NCOA7: variants seen among roughly 807,000 people sequenced by gnomAD.
NCOA7 encodes 140 kDa estrogen receptor-associated protein.
A neutral mutation model predicts 104.3 loss-of-function variants in NCOA7; 45 were observed. The observed-to-expected ratio is 0.43, with a 90% CI of 0.34 to 0.55. NCOA7 has a LOEUF of 0.55. Ranked by LOEUF, NCOA7 falls within the 20% of genes least tolerant of loss-of-function variation. The probability of loss-of-function intolerance (pLI) is 0.02; values close to 1 mark genes in which losing one functional copy is unlikely to be tolerated. For synonymous variants in NCOA7, 398 were observed against 402.3 expected, an observed-to-expected ratio of 0.99 and a Z score of 0.13; for missense variants, 1,041 against 1,119.7, an observed-to-expected ratio of 0.93 and a Z score of 1.00.
At chr6:125,784,917 T>G (rs1774387413) in intron 1 of NCOA7, among the ~76,000 whole-genome samples, 1 of 152,148 alleles carries the variant, frequency 6.6e-6, no homozygotes. Flanking sequence ...GAGTAGCTTA[T>G]GGGAGCCTCA....
chr6:125,784,106 G>A (rs1774353146), intron 1 of NCOA7, among the ~76,000 whole-genome samples: 1 of 152,174 alleles, frequency 6.6e-6, no homozygotes, highest in Admixed American at 6.5e-5. Flanking sequence ...GAAAATGTTA[G>A]AAGAAAAATC....
intron 2 of NCOA7, among the ~76,000 whole-genome samples, chr6:125,839,086 AT>A (rs1779883091): frequency 6.6e-6 from 1 of 152,060 alleles, no homozygotes; most frequent in Non-Finnish European, 1.5e-5. Flanking sequence ...TGCATGATTG[AT>A]TAAATCATTA....
intron 10 of NCOA7, among the ~76,000 whole-genome samples, chr6:125,912,868 G>A (rs1231502542): frequency 6.6e-6 from 1 of 152,084 alleles, no homozygotes; most frequent in Non-Finnish European, 1.5e-5. Flanking sequence ...AATATAAGAA[G>A]TGAATAAAGT....
At chr6:125,821,847 C>T (rs1013614562) in intron 2 of NCOA7, among the ~76,000 whole-genome samples, 5 of 151,840 alleles carry the variant, frequency 3.3e-5, no homozygotes, top group Non-Finnish European at 5.9e-5. Flanking sequence ...TAATTCTGTA[C>T]AAAAAGCCTT....
chr6:125,832,243 C>T (rs1160702556), intron 2 of NCOA7, among the ~76,000 whole-genome samples: 1 of 152,192 alleles, frequency 6.6e-6, no homozygotes, highest in African/African-American at 2.4e-5. Flanking sequence ...CCATGACAGT[C>T]AATCTCTTGA....
chr6:125,797,241 G>A (rs1294989540), intron 1 of NCOA7, among the ~76,000 whole-genome samples: 1 of 152,168 alleles, frequency 6.6e-6, no homozygotes, highest in African/African-American at 2.4e-5. Flanking sequence ...CATTTGGAGA[G>A]AGTGGTCCAA....
intron 10 of NCOA7, 64 bp downstream of exon 10, chr6:125,890,874 T>G: frequency 2.9e-6 from 4 of 1,367,846 alleles, no homozygotes; most frequent in Non-Finnish European, 3.9e-6. Context: ...TTTGATATTC[T>G]TTATCTTAAA....
At chr6:125,828,300 A>AGCT (rs1243899192) in intron 2 of NCOA7, among the ~76,000 whole-genome samples, 3 of 152,264 alleles carry the variant, frequency 2.0e-5, no homozygotes, top group African/African-American at 7.2e-5. Flanking sequence ...GTTTGCAAGT[A>AGCT]GCTGAGAGGT....
At chr6:125,904,860 C>T (rs1332338306) in intron 10 of NCOA7, among the ~76,000 whole-genome samples, 2 of 152,132 alleles carry the variant, frequency 1.3e-5, no homozygotes, top group African/African-American at 4.8e-5. Context: ...CTCGATTTTG[C>T]CTGTCTGCTG....
At chr6:125,928,448 T>C (rs193092337) in intron 15 of NCOA7, among the ~76,000 whole-genome samples, 188 bp from the exon 16 acceptor site, 16 of 152,286 alleles carry the variant, frequency 1.1e-4, no homozygotes, top group African/African-American at 3.4e-4. Flanking sequence ...AATGAGAGAC[T>C]GTTACCACTT....
chr6:125,879,089 A>G (rs1220639081), intron 5 of NCOA7, among the ~76,000 whole-genome samples: 1 of 152,204 alleles, frequency 6.6e-6, no homozygotes, highest in Non-Finnish European at 1.5e-5. Context: ...AACATCATCC[A>G]TCCATTACTC....
At chr6:125,815,452 T>G (rs748726451) in intron 2 of NCOA7, 48 bp downstream of exon 2, 28 of 1,482,674 alleles carry the variant, frequency 1.9e-5, no homozygotes, top group Non-Finnish European at 2.8e-6. Flanking sequence ...AAAGAAATAT[T>G]TGAGGGGACT....
At chr6:125,837,902 T>C (rs879873582) in intron 2 of NCOA7, among the ~76,000 whole-genome samples, 1 of 152,200 alleles carries the variant, frequency 6.6e-6, no homozygotes, top group Admixed American at 6.5e-5. Context: ...CTGCTCTTAG[T>C]TGTATGACTG....
At chr6:125,854,794 A>C (rs1781411236) in intron 2 of NCOA7, among the ~76,000 whole-genome samples, 1 of 152,238 alleles carries the variant, frequency 6.6e-6, no homozygotes, top group African/African-American at 2.4e-5. Flanking sequence ...TTTATGAGAT[A>C]TAGTATTGAC....
In NCOA7 at chr6:125,931,063, T is replaced by G. The variant is rs1395284940; in HGVS notation, c.*2292T>G. 6.5e-6 allele frequency: 1 copy of G among 152,692 alleles called. No individual in the cohort carries two copies. Among genetic ancestry groups the G allele is most frequent in the East Asian group, 1.9e-4 (1 of 5,206 alleles). The allele number at this position is 152,692 out of a possible 1,614,324, so 9.5% of individuals were successfully genotyped here. On this transcript the variant is annotated 3_prime_UTR_variant, in exon 16 of 16. Coordinates refer to ENST00000392477, the MANE Select transcript of NCOA7 (RefSeq NM_181782.5). ...ATTTATGGATATTGACTATATGTAA[T>G]GCAGTGCTATCCCAATATTTTCAAT...
chr6:125,888,962 C>T lies in NCOA7; in HGVS notation c.908C>T (p.Pro303Leu), dbSNP rs763337485. 2.5e-6 allele frequency: 4 copies of T among 1,611,554 alleles called. No homozygotes were observed. The highest frequency in any genetic ancestry group is 3.4e-6 in the Non-Finnish European group (4 of 1,178,770). ...AGTGACCTACCTCAGGATCTTTGTCCTCTGTACAGGCCTGGAGAATGGGAA... is the reference window on the plus strand; with the variant it reads ...AGTGACCTACCTCAGGATCTTTGTCTTCTGTACAGGCCTGGAGAATGGGAA... Reference protein sequence around the residue: ...LPSDLPQDLCPLYRPGEWEDL... With the variant: ...LPSDLPQDLCLLYRPGEWEDL... The change falls in exon 9 of 16, where the codon CCT (proline) becomes CTT (leucine). Residue 303 changes from proline (P) to leucine (L), a missense_variant. By Grantham distance (98) the Pro-to-Leu change is moderately conservative. Coordinates refer to ENST00000392477, the MANE Select transcript of NCOA7 (RefSeq NM_181782.5).
intron 10 of NCOA7, among the ~76,000 whole-genome samples, chr6:125,896,190 C>G (rs183411015): frequency 6.6e-6 from 1 of 151,894 alleles, no homozygotes; most frequent in East Asian, 1.9e-4. Context: ...TTAAAAGTAT[C>G]TGTAAAATCC....
At chr6:125,786,419 C>T (rs1304327658), upstream of NCOA7, among the ~76,000 whole-genome samples, 1 of 152,194 alleles carries the variant, frequency 6.6e-6, no homozygotes, top group Non-Finnish European at 1.5e-5. Flanking sequence ...TGAAACTACA[C>T]TCAAAACTTA....
chr6:125,923,725 T>C (rs1422962085), intron 13 of NCOA7, among the ~76,000 whole-genome samples: 3 of 152,238 alleles, frequency 2.0e-5, no homozygotes, highest in Non-Finnish European at 4.4e-5. Flanking sequence ...AATTAGAGCC[T>C]GTTAGGCGCT....
Sources: allele counts gnomAD v4.1 joint callset (sites outside exome capture counted in the v4.1 genomes callset), GRCh38; gene constraint gnomAD v4.1.1; transcripts MANE v1.5; gene names NCBI Gene and HGNC (gene_info 2026-07-23, HGNC 2026-07-21).